LRSAM1: variants seen among roughly 807,000 people sequenced by gnomAD.
LRSAM1 encodes the protein leucine rich repeat and sterile alpha motif containing 1.
Under a neutral mutation model 118.1 loss-of-function variants are expected in LRSAM1, and 96 were observed. That is an observed-to-expected ratio of 0.81 (90% CI 0.69 to 0.96). LRSAM1 has a LOEUF of 0.96. Ranked by LOEUF, LRSAM1 falls within the 40% of genes least tolerant of loss-of-function variation. LRSAM1 has a pLI of 0.00. For synonymous variants in LRSAM1, 322 were observed against 364.2 expected (o/e 0.88, Z 1.32); for missense variants, 804 against 915.5 (o/e 0.88, Z 1.57).
At chr9:127,461,017 A>G (rs907722714) in intron 7 of LRSAM1, among the ~76,000 whole-genome samples, 156 bp from the exon 8 acceptor site, 2 of 151,552 alleles carry the variant, frequency 1.3e-5, no homozygotes, top group African/African-American at 4.8e-5. Context: ...CACCATGCCC[A>G]GCTAATTTTT....
At chr9:127,453,475 G>C (rs139989209) in intron 2 of LRSAM1, 5 of 152,354 alleles carry the variant, frequency 3.3e-5, no homozygotes, top group African/African-American at 9.6e-5. Flanking sequence ...TGTATTCACC[G>C]CAGAGGTCTC....
At chr9:127,466,513 TTTTTTTTTTTTTTTTTTC>T (rs1834953552) in intron 9 of LRSAM1, among the ~76,000 whole-genome samples, 2 of 85,998 alleles carry the variant, frequency 2.3e-5, no homozygotes, top group East Asian at 6.9e-4. Context: ...TATTTTTTTT[TTTTTTTTTTTTTTTTTTC>T]CACTAGAGAT....
intron 8 of LRSAM1, among the ~76,000 whole-genome samples, chr9:127,461,793 C>T (rs1283793535): frequency 6.6e-6 from 1 of 152,264 alleles, no homozygotes; most frequent in Non-Finnish European, 1.5e-5. Context: ...GAGCGCTCTG[C>T]TCGCCACACC....
chr9:127,482,239 T>G lies in LRSAM1; in HGVS notation c.1089-711T>G, dbSNP rs1029382434. ...CTCACTGCAACCTCCACCTCCCAGG[T>G]TCAGGCGATTCTCCTGCCTCAGCAT... On this transcript the variant is annotated intron_variant, in intron 15 of 25. Transcript: ENST00000300417. 4.6e-5 allele frequency among the ~76,000 whole-genome samples: 7 copies of G among 150,582 alleles called. 1 individual carries two copies. Among genetic ancestry groups the G allele is most frequent in the Non-Finnish European group, 8.8e-5 (6 of 67,874 alleles).
chr9:127,479,393 T>C lies in LRSAM1; in HGVS notation c.791T>C (p.Met264Thr), dbSNP rs772299826. ...SDYEKRKEQK[M>T]LEKLEFERRL... is the part of the protein sequence containing the mutation. Reference sequence around the variant, plus strand: ...ATCTGTGTCTTGCAGGAACAGAAGATGCTGGAGAAACTCGAGTTTGAACGG... The same window carrying C: ...ATCTGTGTCTTGCAGGAACAGAAGACGCTGGAGAAACTCGAGTTTGAACGG... The change falls in exon 13 of 26, where the codon ATG becomes ACG. Residue 264 changes from methionine (M) to threonine (T), a missense_variant. Transcript: ENST00000300417. The C allele has an allele frequency of 1.2e-6, 2 of 1,614,120 alleles. No individual in the cohort carries two copies. Among genetic ancestry groups the C allele is most frequent in the Middle Eastern group, 1.6e-4 (1 of 6,062 alleles).
At chr9:127,487,495 G>A in intron 17 of LRSAM1, 181 bp from the exon 18 acceptor site, 2 of 598,778 alleles carry the variant, frequency 3.3e-6, no homozygotes, top group South Asian at 3.5e-5. Context: ...TTCCCTCCAG[G>A]CCATGGGATT....
At chr9:127,495,813 ATC>A in intron 22 of LRSAM1, 149 bp from the exon 23 acceptor site, 4 of 1,166,014 alleles carry the variant, frequency 3.4e-6, no homozygotes, top group Non-Finnish European at 4.9e-6. Context: ...CTATCTATCT[ATC>A]TCTGTGTGCC....
At chr9:127,458,770 G>T (rs1417864596) in intron 6 of LRSAM1, among the ~76,000 whole-genome samples, 2 of 152,090 alleles carry the variant, frequency 1.3e-5, no homozygotes, top group Non-Finnish European at 2.9e-5. Context: ...CTGTTTTATA[G>T]CATAGTTTTT....
intron 5 of LRSAM1, 98 bp downstream of exon 5, chr9:127,455,718 C>G: frequency 9.1e-7 from 1 of 1,098,272 alleles, no homozygotes; most frequent in Non-Finnish European, 1.4e-6. Context: ...GCGTAGACAC[C>G]TCCTTTCTCT....
intron 6 of LRSAM1, among the ~76,000 whole-genome samples, chr9:127,457,812 C>T (rs1028534911): frequency 6.6e-6 from 1 of 152,140 alleles, no homozygotes; most frequent in African/African-American, 2.4e-5. Flanking sequence ...GGTTGTTATG[C>T]GCAGACCTGA....
chr9:127,472,068 T>G (rs1015182698), intron 10 of LRSAM1, among the ~76,000 whole-genome samples: 1 of 149,324 alleles, frequency 6.7e-6, no homozygotes, highest in Non-Finnish European at 1.5e-5. Context: ...TTCAAGCGAT[T>G]CTCCTGCCTC....
chr9:127,499,543 T>A (rs144015671), intron 24 of LRSAM1, among the ~76,000 whole-genome samples: 1,542 of 137,136 alleles, frequency 0.011, 15 homozygotes, highest in African/African-American at 0.018. Flanking sequence ...AAAAAATATA[T>A]ATATATATAT....
chr9:127,464,938 A>C (rs895450752), intron 9 of LRSAM1, among the ~76,000 whole-genome samples: 1 of 151,920 alleles, frequency 6.6e-6, no homozygotes, highest in Non-Finnish European at 1.5e-5. Context: ...CACCACACCC[A>C]ACCTGGACAC....
intron 9 of LRSAM1, among the ~76,000 whole-genome samples, chr9:127,466,505 T>TATATACA (rs61032058): frequency 5.3e-4 from 10 of 18,990 alleles, no homozygotes; most frequent in African/African-American, 2.0e-3. Context: ...TATATATATA[T>TATATACA]TTTTTTTTTT....
chr9:127,455,006 A>T lies in LRSAM1; in HGVS notation c.81A>T (p.Glu27Asp), dbSNP rs749609283. The change falls in exon 4 of 26, where the codon GAA (glutamate) becomes GAT (aspartate). Residue 27 changes from glutamate (E) to aspartate (D), a missense_variant. By Grantham distance (45) the Glu-to-Asp change is conservative. Coordinates refer to ENST00000300417, the MANE Select transcript of LRSAM1 (RefSeq NM_001005373.4). ...ATTCTTTTTATCCTTAGGCAAAAGAAGCTGGGGCAGATGACATTCTCGACA... is the reference window on the plus strand; with the variant it reads ...ATTCTTTTTATCCTTAGGCAAAAGATGCTGGGGCAGATGACATTCTCGACA... ...RLEYQMCLAKEAGADDILDIS... is the reference protein window; with the variant it reads ...RLEYQMCLAKDAGADDILDIS... 6.2e-7 allele frequency: 1 copy of T among 1,614,158 alleles called. No homozygotes were observed. The highest frequency in any genetic ancestry group is 2.2e-5 in the East Asian group (1 of 44,884).
chr9:127,492,835 T>A lies in LRSAM1; in HGVS notation c.1537T>A (p.Ser513Thr). Reference sequence around the variant, plus strand: ...CTCGGAGCAGCGCTGGGCCCTCAGCTCCCTGCTCCAGCAGCTGCTCAAAGA... The same window carrying A: ...CTCGGAGCAGCGCTGGGCCCTCAGCACCCTGCTCCAGCAGCTGCTCAAAGA... ...MISEQRWALS[S>T]LLQQLLKEKQ... The change falls in exon 21 of 26, where the codon TCC becomes ACC. Residue 513 changes from serine to threonine, a missense_variant. By Grantham distance (58) the Ser-to-Thr change is moderately conservative (BLOSUM62 1). Transcript: ENST00000300417. 1 of 1,613,882 alleles carries A rather than the reference T, an allele frequency of 6.2e-7. No individual in the cohort carries two copies. Among genetic ancestry groups the A allele is most frequent in the Non-Finnish European group, 8.5e-7 (1 of 1,180,000 alleles).
At chr9:127,467,337 C>G (rs901622060) in intron 9 of LRSAM1, among the ~76,000 whole-genome samples, 1 of 152,216 alleles carries the variant, frequency 6.6e-6, no homozygotes, top group Admixed American at 6.5e-5. Context: ...ATGTGCCATC[C>G]ACTGCGCGTG....
rs34768188 is a variant in LRSAM1, at chr9:127,502,884, C to T, written c.2157C>T (p.Ile719=). The T allele has an allele frequency of 1.4e-3, 2,179 of 1,604,130 alleles. 31 individuals carry two copies. In the African/African-American group the frequency reaches 0.026, roughly 19 times the overall value. The change falls in exon 26 of 26, where the codon ATC becomes ATT. Residue 719 remains isoleucine, a synonymous_variant. Transcript: ENST00000300417. ...CRQDIAQRLR[I]YHSS ...AGGACATCGCCCAGCGCCTCCGCAT[C>T]TACCACAGCAGCTGAGTGCTGCCCG...
chr9:127,454,705 TC>T, intron 3 of LRSAM1, 106 bp downstream of exon 3: 1 of 1,179,056 alleles, frequency 8.5e-7, no homozygotes, highest in South Asian at 1.3e-5. Context: ...CCCATCTGCC[TC>T]CCCCACCCAC....
Sources: allele counts gnomAD v4.1 joint callset (sites outside exome capture counted in the v4.1 genomes callset), GRCh38; gene constraint gnomAD v4.1.1; transcripts MANE v1.5; gene names NCBI Gene and HGNC (gene_info 2026-07-23, HGNC 2026-07-21).